Variants in PRKCH observed in about 807,000 individuals in gnomAD.
PRKCH encodes protein kinase C eta type.
PRKCH carries 28 observed loss-of-function variants against 82.5 expected under a neutral mutation model. The ratio of observed to expected loss-of-function variants is 0.34; its 90% CI spans 0.25 to 0.47. The LOEUF is 0.47. Among genes scored for constraint, PRKCH ranks in the 20% least tolerant of loss-of-function variants. The pLI is 1.00. For synonymous variants in PRKCH, 322 were observed against 327.4 expected (o/e 0.98, Z 0.18); for missense variants, 705 against 881.8 (o/e 0.80, Z 2.54).
At chr14:61,272,377 A>T (rs2045165310) in intron 1 of PRKCH, among the ~76,000 whole-genome samples, 1 of 65,646 alleles carries the variant, frequency 1.5e-5, no homozygotes, top group Non-Finnish European at 2.7e-5. Flanking sequence ...TTTTTGAGAC[A>T]GAGTCTTGGT....
intron 1 of PRKCH, among the ~76,000 whole-genome samples, chr14:61,283,755 G>A (rs1187185904): frequency 6.6e-6 from 1 of 152,078 alleles, no homozygotes; most frequent in Non-Finnish European, 1.5e-5. Flanking sequence ...AGGCTGAGGT[G>A]GGAGGATAGC....
chr14:61,246,665 C>G (rs962341486), intron 1 of PRKCH, among the ~76,000 whole-genome samples: 5 of 152,124 alleles, frequency 3.3e-5, no homozygotes, highest in African/African-American at 9.7e-5. Context: ...TCCCAGGTAC[C>G]TCTGCAGCCT....
chr14:61,458,978 G>C (rs74450101), intron 9 of PRKCH, among the ~76,000 whole-genome samples: 4,345 of 152,238 alleles, frequency 0.029, 225 homozygotes, highest in East Asian at 0.26. Context: ...GGCTGGAAGA[G>C]CAAATATCAG....
intron 1 of PRKCH, among the ~76,000 whole-genome samples, chr14:61,296,561 C>T (rs1041378488): frequency 2.6e-5 from 4 of 152,156 alleles, no homozygotes; most frequent in African/African-American, 7.2e-5. Flanking sequence ...GTCCAAGATA[C>T]GTTCAGTAGC....
chr14:61,429,652 T>C (rs1231316544), intron 2 of PRKCH, among the ~76,000 whole-genome samples: 3 of 151,944 alleles, frequency 2.0e-5, no homozygotes, highest in Non-Finnish European at 2.9e-5. Flanking sequence ...ATAAAGAACT[T>C]GACAATGAAA....
intron 1 of PRKCH, among the ~76,000 whole-genome samples, chr14:61,226,237 T>C (rs6573374): frequency 0.49 from 75,076 of 152,096 alleles, 21,184 homozygotes; most frequent in African/African-American, 0.78. Context: ...GTTATTCATC[T>C]TAAAGAGCAT....
chr14:61,453,110 G>A, intron 6 of PRKCH, 116 bp from the exon 7 acceptor site: 1 of 1,303,238 alleles, frequency 7.7e-7, no homozygotes, highest in Non-Finnish European at 1.1e-6. Context: ...AAATGATACT[G>A]TTCAGCCGGT....
intron 1 of PRKCH, among the ~76,000 whole-genome samples, chr14:61,378,640 T>C (rs956384838): frequency 4.6e-5 from 7 of 152,148 alleles, no homozygotes; most frequent in Non-Finnish European, 7.4e-5. Context: ...TCAGATGTCA[T>C]AGGTAAAGGT....
intron 1 of PRKCH, among the ~76,000 whole-genome samples, chr14:61,336,196 A>G (rs1312295374): frequency 6.6e-6 from 1 of 152,216 alleles, no homozygotes; most frequent in African/African-American, 2.4e-5. Flanking sequence ...GTTAACTTTG[A>G]AAGCAGTAAG....
At chr14:61,288,674 G>A (rs1027322895) in intron 1 of PRKCH, among the ~76,000 whole-genome samples, 1 of 152,196 alleles carries the variant, frequency 6.6e-6, no homozygotes, top group South Asian at 2.1e-4. Context: ...CTAAGCCAAA[G>A]TTTGGGAATC....
chr14:61,282,251 A>G (rs1232012577), intron 1 of PRKCH, among the ~76,000 whole-genome samples: 1 of 146,754 alleles, frequency 6.8e-6, no homozygotes. Context: ...TTAGCTCCCT[A>G]TGTTGCCTGG....
At chr14:61,392,844 GTT>G (rs3085970) in intron 2 of PRKCH, among the ~76,000 whole-genome samples, 9,286 of 136,004 alleles carry the variant, frequency 0.068, 922 homozygotes, top group African/African-American at 0.22. Context: ...TTCTTTTTTT[GTT>G]TTTTTTTTTT....
intron 1 of PRKCH, among the ~76,000 whole-genome samples, chr14:61,323,029 T>G (rs2045650788): frequency 1.3e-5 from 2 of 152,158 alleles, no homozygotes; most frequent in African/African-American, 4.8e-5. Context: ...GGCAGTTTTA[T>G]TATTTAGCAT....
At chr14:61,191,853 A>G (rs2044408658) in intron 1 of PRKCH, among the ~76,000 whole-genome samples, 1 of 152,120 alleles carries the variant, frequency 6.6e-6, no homozygotes, top group African/African-American at 2.4e-5. Context: ...ATCCCCAAAT[A>G]AACTTTTTCC....
At chr14:61,460,648 C>T (rs963653494) in intron 9 of PRKCH, among the ~76,000 whole-genome samples, 12 of 152,126 alleles carry the variant, frequency 7.9e-5, no homozygotes, top group African/African-American at 1.7e-4. Context: ...TGGCAGAGAG[C>T]GTTTGAAGCC....
chr14:61,493,545 A>T (rs1190348691), intron 10 of PRKCH, among the ~76,000 whole-genome samples: 3 of 152,222 alleles, frequency 2.0e-5, no homozygotes, highest in African/African-American at 7.2e-5. Flanking sequence ...TGTTCCAGCT[A>T]AAAATCAGCA....
chr14:61,283,118 C>T, intron 1 of PRKCH, among the ~76,000 whole-genome samples: 1 of 151,828 alleles, frequency 6.6e-6, no homozygotes. Flanking sequence ...GATCCTTCTG[C>T]CTCAGCCTCC....
chr14:61,490,536 G>A (rs187248680), intron 10 of PRKCH, among the ~76,000 whole-genome samples: 1 of 152,256 alleles, frequency 6.6e-6, no homozygotes, highest in South Asian at 2.1e-4. Context: ...ACTCAGCTGG[G>A]CATAGCCTTG....
intron 2 of PRKCH, among the ~76,000 whole-genome samples, chr14:61,417,480 A>G (rs1378116333): frequency 6.6e-6 from 1 of 152,248 alleles, no homozygotes; most frequent in Non-Finnish European, 1.5e-5. Context: ...TAAATTTCCC[A>G]GAGCCTCACC....
Sources: gnomAD v4.1 joint callset for allele counts (sites outside exome capture counted in the v4.1 genomes callset) on GRCh38, gnomAD v4.1.1 for gene constraint, MANE v1.5 for transcripts, NCBI Gene and HGNC (gene_info 2026-07-23, HGNC 2026-07-21) for gene names.